Variants in GTF2IRD1 observed in about 807,000 individuals in gnomAD.
GTF2IRD1 encodes general transcription factor II-I repeat domain-containing protein 1.
Under a neutral mutation model 113.2 loss-of-function variants are expected in GTF2IRD1, and 26 were observed. The observed-to-expected ratio is 0.23, with a 90% CI of 0.17 to 0.32. The LOEUF (loss-of-function observed/expected upper bound fraction) is 0.32, where lower values mean the gene tolerates loss of function less well. Among genes scored for constraint, GTF2IRD1 ranks in the 10% least tolerant of loss-of-function variants. GTF2IRD1 has a pLI of 1.00. For missense variants in GTF2IRD1, 864 were observed against 1,280.8 expected (o/e 0.67, Z 4.97); for synonymous variants, 484 against 529.1 (o/e 0.91, Z 1.17).
intron 1 of GTF2IRD1, among the ~76,000 whole-genome samples, chr7:74,496,938 G>A (rs1159574875): frequency 2.6e-5 from 4 of 152,100 alleles, no homozygotes; most frequent in African/African-American, 9.7e-5. Context: ...GAGGTGGGAG[G>A]ATTGTTTGAG....
chr7:74,583,371 C>CTTTTTTTTTTTT (rs1168890388), intron 22 of GTF2IRD1, among the ~76,000 whole-genome samples: 17 of 122,296 alleles, frequency 1.4e-4, no homozygotes, highest in East Asian at 2.3e-4. Context: ...CTTTTTTTTT[C>CTTTTTTTTTTTT]TTTTTTTTTT....
chr7:74,479,054 C>T (rs1335126510), intron 1 of GTF2IRD1, among the ~76,000 whole-genome samples: 1 of 152,114 alleles, frequency 6.6e-6, no homozygotes, highest in East Asian at 1.9e-4. Flanking sequence ...CAAAGCTCTG[C>T]CCCGTCCTCC....
chr7:74,521,783 A>T (rs1186690195), intron 7 of GTF2IRD1, among the ~76,000 whole-genome samples: 3 of 152,164 alleles, frequency 2.0e-5, no homozygotes, highest in Non-Finnish European at 4.4e-5. Flanking sequence ...AACAAAAAAT[A>T]AAATAAATAA....
chr7:74,600,338 G>A (rs1337580861), intron 25 of GTF2IRD1, among the ~76,000 whole-genome samples: 2 of 152,058 alleles, frequency 1.3e-5, no homozygotes, highest in Non-Finnish European at 2.9e-5. Flanking sequence ...AGGATTGCTT[G>A]AGCCCAGGAC....
chr7:74,522,276 G>A (rs1305787931), intron 7 of GTF2IRD1, among the ~76,000 whole-genome samples: 1 of 151,678 alleles, frequency 6.6e-6, no homozygotes, highest in Non-Finnish European at 1.5e-5. Context: ...GATTTTTAAA[G>A]TATCACACAG....
rs587701093 is a variant in GTF2IRD1 at position 74,555,445 on chromosome 7, T to C, written c.1974T>C (p.Asp658=). ...KEPIMDSQER[D]SGDPLVDESL... ...CCCCTGCCCTGCCCCCAGAGAGGGA[T>C]TCCGGGGACCCTCTGGTGGACGAGA... The change falls in exon 19 of 27, where the codon GAT becomes GAC. Residue 658 remains aspartate, a synonymous_variant. Coordinates refer to ENST00000424337, the MANE Select transcript of GTF2IRD1 (RefSeq NM_005685.4). The surrounding 1 kb of genome is among the most constrained non-coding windows in gnomAD (Gnocchi z 5.3). 4 of 1,613,736 alleles carry C rather than the reference T, an allele frequency of 2.5e-6. No individual in the cohort carries two copies. In the South Asian group the frequency reaches 3.3e-5, roughly 13 times the overall value.
At chr7:74,589,581 C>T (rs1554368802) in intron 22 of GTF2IRD1, among the ~76,000 whole-genome samples, 2 of 152,016 alleles carry the variant, frequency 1.3e-5, no homozygotes, top group African/African-American at 2.4e-5. Flanking sequence ...CCTGTGATCC[C>T]AGCTACTTGG....
intron 25 of GTF2IRD1, 59 bp from the exon 26 acceptor site, chr7:74,600,985 G>T: frequency 6.3e-7 from 1 of 1,591,376 alleles, no homozygotes; most frequent in Non-Finnish European, 8.6e-7. Context: ...GGGAGCTCAG[G>T]AGGCTGAGAC....
At chr7:74,476,470 T>A (rs1794417406) in intron 1 of GTF2IRD1, among the ~76,000 whole-genome samples, 1 of 149,998 alleles carries the variant, frequency 6.7e-6, no homozygotes, top group Non-Finnish European at 1.5e-5. Context: ...GTTCAAGCGA[T>A]TCTCCTGCCT....
intron 1 of GTF2IRD1, among the ~76,000 whole-genome samples, chr7:74,491,302 A>G (rs1335507841): frequency 6.7e-6 from 1 of 149,280 alleles, no homozygotes; most frequent in African/African-American, 2.5e-5. Flanking sequence ...TGAGGGAGAA[A>G]AAAAAATTCT....
intron 25 of GTF2IRD1, among the ~76,000 whole-genome samples, chr7:74,597,341 CTTTTT>C (rs79382591): frequency 7.4e-6 from 1 of 134,244 alleles, no homozygotes. Flanking sequence ...TGCTACCGGC[CTTTTT>C]TTTTTTTTTT....
intron 1 of GTF2IRD1, among the ~76,000 whole-genome samples, chr7:74,479,999 G>A (rs1032184768): frequency 3.3e-5 from 5 of 151,896 alleles, no homozygotes; most frequent in Admixed American, 3.3e-4. Context: ...TGCCCGCCTC[G>A]GCCTCCCTAA....
At chr7:74,483,215 T>C (rs79451240) in intron 1 of GTF2IRD1, among the ~76,000 whole-genome samples, 2,685 of 151,996 alleles carry the variant, frequency 0.018, 82 homozygotes, top group African/African-American at 0.06. Context: ...TGCTAAGAGG[T>C]TGTTTTCCAA....
chr7:74,513,780 A>C (rs1554343732), intron 3 of GTF2IRD1, among the ~76,000 whole-genome samples: 2 of 152,092 alleles, frequency 1.3e-5, no homozygotes, highest in Non-Finnish European at 2.9e-5. Context: ...GGGAGGCTGA[A>C]ATGGGAGGAT....
intron 22 of GTF2IRD1, among the ~76,000 whole-genome samples, chr7:74,586,199 T>A (rs587675723): frequency 1.3e-5 from 2 of 152,134 alleles, no homozygotes; most frequent in Non-Finnish European, 2.9e-5. Flanking sequence ...ACAGATGGAA[T>A]GTGCTGTTGC....
intron 1 of GTF2IRD1, among the ~76,000 whole-genome samples, chr7:74,491,180 C>T (rs1189441620): frequency 6.6e-6 from 1 of 151,916 alleles, no homozygotes; most frequent in Non-Finnish European, 1.5e-5. Context: ...GTGGCAGGCA[C>T]CTGTAATCCC....
chr7:74,601,549 G>C, intron 26 of GTF2IRD1: 2 of 1,205,468 alleles, frequency 1.7e-6, no homozygotes, highest in Non-Finnish European at 2.2e-6. Context: ...AAGTCGGGTG[G>C]ATCACCTGAG....
At chr7:74,524,788 C>G (rs1797504661) in intron 8 of GTF2IRD1, among the ~76,000 whole-genome samples, 1 of 152,124 alleles carries the variant, frequency 6.6e-6, no homozygotes, top group East Asian at 1.9e-4. Context: ...TCACTGGAAC[C>G]TAGGAGGTGC....
intron 1 of GTF2IRD1, among the ~76,000 whole-genome samples, chr7:74,504,619 C>G (rs1466354881): frequency 6.6e-6 from 1 of 151,782 alleles, no homozygotes; most frequent in African/African-American, 2.4e-5. Flanking sequence ...AGGCCTGGAG[C>G]TAGTGCCTTT....
Sources: allele counts gnomAD v4.1 joint callset (sites outside exome capture counted in the v4.1 genomes callset), GRCh38; gene constraint gnomAD v4.1.1; non-coding constraint Gnocchi (gnomAD v3.1); transcripts MANE v1.5; gene names NCBI Gene and HGNC (gene_info 2026-07-23, HGNC 2026-07-21).